Variants in SLC1A1 observed in about 807,000 individuals in gnomAD.
SLC1A1 encodes excitatory amino acid transporter 3.
A neutral mutation model predicts 53.3 loss-of-function variants in SLC1A1; 43 were observed. The ratio of observed to expected loss-of-function variants is 0.81; its 90% CI spans 0.63 to 1.04. The LOEUF is 1.04. Among genes scored for constraint, SLC1A1 ranks in the 50% least tolerant of loss-of-function variants. The probability of loss-of-function intolerance (pLI) is 0.00; values close to 1 mark genes in which losing one functional copy is unlikely to be tolerated. For missense variants in SLC1A1, 748 were observed against 664.9 expected (o/e 1.12, Z -1.37); for synonymous variants, 307 against 243.2 (o/e 1.26, Z -2.44).
At chr9:4,570,257 C>T (rs964055438) in intron 6 of SLC1A1, among the ~76,000 whole-genome samples, 1 of 152,200 alleles carries the variant, frequency 6.6e-6, no homozygotes, top group African/African-American at 2.4e-5. Flanking sequence ...AGTCTTGTCT[C>T]TCCAGCTGAA....
rs760303382 is a variant in SLC1A1, at chr9:4,567,753, A to G, written c.568A>G (p.Thr190Ala). ...TEESFTAVMT[T>A]AISKNKTKEY... ...AGAGTCCTTCACAGCTGTCATGACA[A>G]CTGCAATTTCCAAGGTACCATTCTT... The change falls in exon 6 of 12, where the codon ACT becomes GCT. Residue 190 changes from threonine (T) to alanine (A), a missense_variant. Transcript: ENST00000262352. The G allele has an allele frequency of 5.6e-6, 9 of 1,605,678 alleles. No homozygotes were observed. Among genetic ancestry groups the G allele is most frequent in the Non-Finnish European group, 7.7e-6 (9 of 1,172,582 alleles).
intron 2 of SLC1A1, among the ~76,000 whole-genome samples, chr9:4,560,870 C>T (rs1271640523): frequency 6.6e-6 from 1 of 152,032 alleles, no homozygotes; most frequent in African/African-American, 2.4e-5. Flanking sequence ...GTGGTGTGCA[C>T]CTGTAATCCC....
chr9:4,516,445 C>T (rs1046362475), intron 1 of SLC1A1, among the ~76,000 whole-genome samples: 4 of 152,158 alleles, frequency 2.6e-5, no homozygotes, highest in Admixed American at 2.6e-4. Flanking sequence ...TTCATACTCC[C>T]TTTTACCCAA....
chr9:4,580,969 C>T (rs769149348), intron 10 of SLC1A1, among the ~76,000 whole-genome samples: 3 of 152,016 alleles, frequency 2.0e-5, no homozygotes, highest in Admixed American at 6.6e-5. Context: ...CATAGGTATA[C>T]GTGTGGAAAT....
intron 10 of SLC1A1, among the ~76,000 whole-genome samples, chr9:4,577,529 G>A (rs919650434): frequency 2.0e-5 from 3 of 152,178 alleles, no homozygotes; most frequent in Non-Finnish European, 4.4e-5. Flanking sequence ...AGGCTGGAGT[G>A]CAGTGGCACA....
chr9:4,562,549 G>A (rs4742009), intron 3 of SLC1A1, among the ~76,000 whole-genome samples: 33,424 of 152,160 alleles, frequency 0.22, 4,501 homozygotes, highest in East Asian at 0.47. Flanking sequence ...ATTCTAATAA[G>A]GGAGGAGCTG....
At chr9:4,541,620 G>A (rs1454661872) in intron 1 of SLC1A1, among the ~76,000 whole-genome samples, 1 of 152,190 alleles carries the variant, frequency 6.6e-6, no homozygotes, top group African/African-American at 2.4e-5. Context: ...ATGTAGGTAA[G>A]GAAAAGGCTA....
At chr9:4,550,934 G>GA (rs1368413328) in intron 2 of SLC1A1, among the ~76,000 whole-genome samples, 41 of 152,274 alleles carry the variant, frequency 2.7e-4, no homozygotes, top group Admixed American at 2.4e-3. Context: ...GATTGAGGGT[G>GA]ACTGTGTGCC....
chr9:4,570,997 T>TA (rs2129761890), intron 6 of SLC1A1, among the ~76,000 whole-genome samples: 1 of 152,108 alleles, frequency 6.6e-6, no homozygotes, highest in African/African-American at 2.4e-5. Context: ...CTACCAATGA[T>TA]AGACTGGATA....
At chr9:4,581,482 C>A (rs1184818048) in intron 10 of SLC1A1, among the ~76,000 whole-genome samples, 1 of 152,206 alleles carries the variant, frequency 6.6e-6, no homozygotes, top group Non-Finnish European at 1.5e-5. Flanking sequence ...ACAGAGTTTT[C>A]TTTGACTAAA....
At chr9:4,544,342 T>C (rs1564022269) in intron 1 of SLC1A1, among the ~76,000 whole-genome samples, 1 of 152,190 alleles carries the variant, frequency 6.6e-6, no homozygotes. Flanking sequence ...CAACAAAGCT[T>C]TCATGTATAG....
intron 1 of SLC1A1, among the ~76,000 whole-genome samples, chr9:4,499,745 T>G (rs1341267416): frequency 6.6e-6 from 1 of 152,252 alleles, no homozygotes; most frequent in Non-Finnish European, 1.5e-5. Context: ...AATATCTTGT[T>G]AGATGTTGCT....
chr9:4,542,407 A>G (rs1005935709), intron 1 of SLC1A1, among the ~76,000 whole-genome samples: 7 of 152,312 alleles, frequency 4.6e-5, no homozygotes, highest in East Asian at 1.9e-4. Flanking sequence ...TAGCAAGTAC[A>G]TATCTTTCTA....
chr9:4,539,866 G>A (rs890655714), intron 1 of SLC1A1, among the ~76,000 whole-genome samples: 3 of 152,094 alleles, frequency 2.0e-5, no homozygotes, highest in Non-Finnish European at 4.4e-5. Flanking sequence ...CACTGTACCC[G>A]ACCTTACCAA....
In SLC1A1 at chr9:4,567,707, T is replaced by A. The variant is rs777850698; in HGVS notation, c.522T>A (p.Asp174Glu). The A allele has an allele frequency of 6.2e-7, 1 of 1,613,446 alleles. No homozygotes were observed. Among genetic ancestry groups the A allele is most frequent in the Admixed American group, 1.7e-5 (1 of 59,988 alleles). Residue 174 changes from aspartate (D) to glutamate (E), a missense_variant, in exon 6 of 12, where the codon GAT becomes GAA. Coordinates refer to ENST00000262352, the MANE Select transcript of SLC1A1 (RefSeq NM_004170.6). Reference protein sequence around the residue: ...TKREEVKPPSDPEMNMTEESF... With the variant: ...TKREEVKPPSEPEMNMTEESF... ...GTGAAGAAGTGAAGCCTCCCAGCGATCCAGAGATGAACATGACAGAAGAGT... is the reference window on the plus strand; with the variant it reads ...GTGAAGAAGTGAAGCCTCCCAGCGAACCAGAGATGAACATGACAGAAGAGT...
At chr9:4,564,248 G>A (rs759358170) in intron 3 of SLC1A1, 96 bp from the exon 4 acceptor site, 20 of 850,274 alleles carry the variant, frequency 2.4e-5, no homozygotes, top group Non-Finnish European at 3.9e-5. Flanking sequence ...TCACACTATT[G>A]CCTGGTACAA....
At chr9:4,570,039 G>C (rs917211129) in intron 6 of SLC1A1, among the ~76,000 whole-genome samples, 8 of 152,182 alleles carry the variant, frequency 5.3e-5, no homozygotes, top group African/African-American at 1.7e-4. Context: ...AGGGTGCAAA[G>C]GCCCAGTGCA....
In SLC1A1 at chr9:4,564,375, T is replaced by G. The variant is rs1211147250; in HGVS notation, c.357T>G (p.Gly119=). 1.2e-6 allele frequency: 2 copies of G among 1,613,618 alleles called. No homozygotes were observed. The change falls in exon 4 of 12, where the codon GGT becomes GGG. Residue 119 remains glycine (G), a synonymous_variant. Coordinates refer to ENST00000262352, the MANE Select transcript of SLC1A1 (RefSeq NM_004170.6). ...TGCTGGTGGTGAGCATCAAGCCTGG[T>G]GTCACCCAGAAAGTGGGTGAAATTG... The part of the protein sequence containing the change: ...GIVLVVSIKP[G]VTQKVGEIAR...
chr9:4,508,877 C>T (rs192793447), intron 1 of SLC1A1, among the ~76,000 whole-genome samples: 13 of 152,196 alleles, frequency 8.5e-5, no homozygotes, highest in Non-Finnish European at 1.6e-4. Context: ...AGCTTGATGC[C>T]GGGGCGGTGG....
Sources: gnomAD v4.1 joint callset for allele counts (sites outside exome capture counted in the v4.1 genomes callset) on GRCh38, gnomAD v4.1.1 for gene constraint, MANE v1.5 for transcripts, NCBI Gene and HGNC (gene_info 2026-07-23, HGNC 2026-07-21) for gene names.